The following GALNT13 variants were observed in gnomAD, a reference collection of about 807,000 sequenced individuals.
The protein encoded by GALNT13 is polypeptide N-acetylgalactosaminyltransferase 13.
GALNT13 carries 28 observed loss-of-function variants against 64.2 expected under a neutral mutation model. The ratio of observed to expected loss-of-function variants is 0.44; its 90% CI spans 0.32 to 0.60. GALNT13 has a LOEUF of 0.60. Ranked by LOEUF, GALNT13 falls within the 20% of genes least tolerant of loss-of-function variation. GALNT13 has a pLI of 0.05. For missense variants in GALNT13, 577 were observed against 669.8 expected, an observed-to-expected ratio of 0.86 and a Z score of 1.53; for synonymous variants, 214 against 224.6, an observed-to-expected ratio of 0.95 and a Z score of 0.42.
chr2:153,233,498 C>A, the GALNT13 span, among the ~76,000 whole-genome samples: 25 of 145,842 alleles, frequency 1.7e-4, no homozygotes, highest in Admixed American at 1.6e-3. Context: ...AAAAAAAAAA[C>A]TGCTTGTAGT....
chr2:153,085,667 G>A, the GALNT13 span, among the ~76,000 whole-genome samples: 1 of 152,330 alleles, frequency 6.6e-6, no homozygotes, highest in African/African-American at 2.4e-5. Flanking sequence ...TAAGATGCCT[G>A]GATATCCAGG....
the GALNT13 span, among the ~76,000 whole-genome samples, chr2:153,103,973 C>T: frequency 6.6e-6 from 1 of 152,132 alleles, no homozygotes; most frequent in Non-Finnish European, 1.5e-5. Context: ...CTTATATTTT[C>T]ACTATTTCTA....
intron 9 of GALNT13, among the ~76,000 whole-genome samples, chr2:154,354,589 G>T (rs552816758): frequency 1.8e-4 from 27 of 149,762 alleles, no homozygotes; most frequent in African/African-American, 6.6e-4. Flanking sequence ...ATTCTTTCTG[G>T]ATGGTGTGAA....
At chr2:153,934,025 A>T (rs1265783034) in intron 2 of GALNT13, among the ~76,000 whole-genome samples, 4 of 151,726 alleles carry the variant, frequency 2.6e-5, no homozygotes, top group Admixed American at 2.6e-4. Context: ...GGCCTTTAAC[A>T]TTTTTCTTTC....
the GALNT13 span, among the ~76,000 whole-genome samples, chr2:153,827,336 G>T: frequency 5.3e-5 from 8 of 152,086 alleles, no homozygotes; most frequent in Admixed American, 2.6e-4. Flanking sequence ...AAAAGTTATG[G>T]GTGGAGGCTG....
intron 3 of GALNT13, among the ~76,000 whole-genome samples, chr2:154,048,467 T>A (rs1007583499): frequency 6.6e-6 from 1 of 152,206 alleles, no homozygotes; most frequent in Non-Finnish European, 1.5e-5. Flanking sequence ...AATCTGCTTC[T>A]TACATGAGCT....
the GALNT13 span, among the ~76,000 whole-genome samples, chr2:153,089,824 T>G: frequency 0.34 from 51,044 of 151,870 alleles, 9,475 homozygotes; most frequent in Non-Finnish European, 0.44. Flanking sequence ...TCTGGAGAAT[T>G]TTTAATCCAT....
chr2:153,182,953 C>T, the GALNT13 span, among the ~76,000 whole-genome samples: 3 of 151,974 alleles, frequency 2.0e-5, no homozygotes, highest in African/African-American at 4.8e-5. Context: ...GAAAAGGATA[C>T]ATATATATTT....
At chr2:153,687,276 C>CT in the GALNT13 span, among the ~76,000 whole-genome samples, 1 of 151,710 alleles carries the variant, frequency 6.6e-6, no homozygotes, top group Non-Finnish European at 1.5e-5. Flanking sequence ...TGGCCCTGGG[C>CT]TTTTTTTGGT....
chr2:154,087,639 T>C (rs1701599494), intron 3 of GALNT13, among the ~76,000 whole-genome samples: 1 of 152,114 alleles, frequency 6.6e-6, no homozygotes, highest in Admixed American at 6.6e-5. Flanking sequence ...TGCTCATGTG[T>C]CCCCTAAAAT....
chr2:153,146,438 C>T, the GALNT13 span, among the ~76,000 whole-genome samples: 1 of 151,836 alleles, frequency 6.6e-6, no homozygotes, highest in African/African-American at 2.4e-5. Flanking sequence ...GTCCTAAGAG[C>T]CCCGAAAGTC....
At chr2:153,146,860 G>A in the GALNT13 span, among the ~76,000 whole-genome samples, 7 of 151,872 alleles carry the variant, frequency 4.6e-5, no homozygotes, top group East Asian at 3.9e-4. Flanking sequence ...ATACTTCAGC[G>A]GACAGGTCCT....
At chr2:153,234,371 A>G in the GALNT13 span, among the ~76,000 whole-genome samples, 1 of 152,078 alleles carries the variant, frequency 6.6e-6, no homozygotes, top group Admixed American at 6.6e-5. Flanking sequence ...TGAATTTAGG[A>G]TTTAGGTCAT....
At chr2:154,374,189 A>G (rs1039849281) in intron 9 of GALNT13, among the ~76,000 whole-genome samples, 6 of 152,228 alleles carry the variant, frequency 3.9e-5, no homozygotes, top group Non-Finnish European at 8.8e-5. Flanking sequence ...AATTATCTAT[A>G]TTGCTGAAAG....
At chr2:153,154,665 G>A in the GALNT13 span, among the ~76,000 whole-genome samples, 1 of 152,078 alleles carries the variant, frequency 6.6e-6, no homozygotes, top group Admixed American at 6.6e-5. Context: ...CTAGATATAG[G>A]ATCACGCTAT....
chr2:153,629,858 A>C, the GALNT13 span, among the ~76,000 whole-genome samples: 135 of 148,370 alleles, frequency 9.1e-4, 3 homozygotes, highest in South Asian at 0.028. Flanking sequence ...GACACTTCTC[A>C]AAAAAAGACA....
intron 4 of GALNT13, among the ~76,000 whole-genome samples, chr2:154,240,325 A>G: frequency 1.3e-5 from 2 of 152,318 alleles, no homozygotes; most frequent in Non-Finnish European, 2.9e-5. Flanking sequence ...AGTCAAAAAC[A>G]TTTTTCAAAA....
the GALNT13 span, among the ~76,000 whole-genome samples, chr2:153,724,954 G>A: frequency 6.6e-6 from 1 of 151,442 alleles, no homozygotes; most frequent in Non-Finnish European, 1.5e-5. Flanking sequence ...TCCCATTACT[G>A]GGTATATACC....
the GALNT13 span, among the ~76,000 whole-genome samples, chr2:153,576,137 T>C: frequency 6.6e-6 from 1 of 151,416 alleles, no homozygotes; most frequent in East Asian, 2.0e-4. Flanking sequence ...AGATGCAAGA[T>C]AATGCCCTCC....
Sources: allele counts gnomAD v4.1 joint callset (sites outside exome capture counted in the v4.1 genomes callset), GRCh38; gene constraint gnomAD v4.1.1; transcripts MANE v1.5; gene names NCBI Gene and HGNC (gene_info 2026-07-23, HGNC 2026-07-21).